KIF26B: variants seen among roughly 807,000 people sequenced by gnomAD.
KIF26B encodes the protein kinesin-like protein KIF26B.
Under a neutral mutation model 151.2 loss-of-function variants are expected in KIF26B, and 63 were observed. The ratio of observed to expected loss-of-function variants is 0.42; its 90% CI spans 0.34 to 0.51. The LOEUF is 0.51. Among genes scored for constraint, KIF26B ranks in the 20% least tolerant of loss-of-function variants. KIF26B has a pLI of 0.07. For synonymous variants in KIF26B, 1,357 were observed against 1,262.1 expected (o/e 1.08, Z -1.59); for missense variants, 2,813 against 2,913.6 (o/e 0.97, Z 0.79).
intron 2 of KIF26B, among the ~76,000 whole-genome samples, chr1:245,316,277 A>G (rs746250439): frequency 6.6e-6 from 1 of 151,994 alleles, no homozygotes; most frequent in Non-Finnish European, 1.5e-5. Flanking sequence ...ACCCGCCACC[A>G]TGCCTGGCTA....
chr1:245,216,889 C>T (rs556309841), intron 2 of KIF26B, among the ~76,000 whole-genome samples: 1 of 152,176 alleles, frequency 6.6e-6, no homozygotes, highest in African/African-American at 2.4e-5. Context: ...AATATAAAAT[C>T]GTTTCACTTT....
intron 3 of KIF26B, among the ~76,000 whole-genome samples, chr1:245,373,612 A>T (rs1050327243): frequency 6.6e-6 from 1 of 152,052 alleles, no homozygotes; most frequent in Non-Finnish European, 1.5e-5. Context: ...TCTTGATACA[A>T]TTTTTCCTGC....
In KIF26B at chr1:245,702,734, A is replaced by G; in HGVS notation, c.*128A>G. ...GGATGAAGGTTGGTGGCAAGTCTGG[A>G]GCGGGCGTTGAGCGGAAGGCGAGTT... On this transcript the variant is annotated 3_prime_UTR_variant, in exon 15 of 15. Transcript: ENST00000407071. The surrounding 1 kb of genome is among the most constrained non-coding windows in gnomAD (Gnocchi z 4.1). The G allele has an allele frequency of 9.2e-7, 1 of 1,091,896 alleles. No individual in the cohort carries two copies. Among genetic ancestry groups the G allele is most frequent in the Non-Finnish European group, 1.3e-6 (1 of 780,668 alleles). The allele number at this position is 1,091,896 out of a possible 1,614,324, so 67.6% of individuals were successfully genotyped here.
chr1:245,440,298 TC>T (rs1659046494), intron 4 of KIF26B, among the ~76,000 whole-genome samples: 1 of 151,684 alleles, frequency 6.6e-6, no homozygotes, highest in Non-Finnish European at 1.5e-5. Flanking sequence ...GGGTAGAGAC[TC>T]CCATTTGAGA....
Position 245,685,967 on chromosome 1 carries a change from A to G in KIF26B, c.2984A>G (p.Glu995Gly). ...EGQLTNREGPELPASKMQRSH... is the reference protein window; with the variant it reads ...EGQLTNREGPGLPASKMQRSH... ...CAGCTGACCAACAGAGAAGGCCCTG[A>G]ACTCCCAGCCTCCAAGATGCAGAGG... The change falls in exon 12 of 15, where the codon GAA becomes GGA. Residue 995 changes from glutamate to glycine, a missense_variant. Physicochemically the swap from Glu to Gly is moderately conservative, Grantham distance 98. Transcript: ENST00000407071. The G allele has an allele frequency of 6.2e-7, 1 of 1,603,462 alleles. No homozygotes were observed. Among genetic ancestry groups the G allele is most frequent in the South Asian group, 1.1e-5 (1 of 89,394 alleles).
chr1:245,156,195 G>C, intron 1 of KIF26B, 87 bp from the exon 2 acceptor site: 3 of 1,482,572 alleles, frequency 2.0e-6, no homozygotes, highest in South Asian at 1.3e-5. Context: ...GTTCGAGCGG[G>C]TACTTGGTGG....
At position 245,704,317 on chromosome 1, in the gene KIF26B, G is replaced by GTTTC. The variant is rs2044813045; in HGVS notation, c.*1714_*1717dup. On this transcript the variant is annotated 3_prime_UTR_variant, in exon 15 of 15. Coordinates refer to ENST00000407071, the MANE Select transcript of KIF26B (RefSeq NM_018012.4). ...CCCCAAGCGGGGAAAAAAACACTACGTTTCTTGGTCAGTGTACCTCTGGAC... is the reference window on the plus strand; with the variant it reads ...CCCCAAGCGGGGAAAAAAACACTACGTTTCTTTCTTGGTCAGTGTACCTCTGGAC... 1 of 152,226 alleles carries GTTTC rather than the reference G, an allele frequency of 6.6e-6. No individual in the cohort carries two copies. Among genetic ancestry groups the GTTTC allele is most frequent in the Admixed American group, 6.5e-5 (1 of 15,290 alleles). 9.4% of individuals were successfully genotyped at this position (152,226 alleles called of 1,614,324 possible). A position where few individuals can be genotyped will look rare whatever the true frequency, so the allele number is the denominator to read the frequency against.
chr1:245,263,888 G>A (rs941792176), intron 2 of KIF26B, among the ~76,000 whole-genome samples: 1 of 152,188 alleles, frequency 6.6e-6, no homozygotes, highest in Admixed American at 6.5e-5. Flanking sequence ...TCATCTTGTG[G>A]TCCGTTCTGT....
At chr1:245,186,157 G>A (rs1159170698) in intron 2 of KIF26B, among the ~76,000 whole-genome samples, 1 of 152,002 alleles carries the variant, frequency 6.6e-6, no homozygotes, top group African/African-American at 2.4e-5. Context: ...ACAGGCGTGG[G>A]CCACTGCGCC....
chr1:245,683,585 AG>A (rs2044467636), intron 10 of KIF26B, among the ~76,000 whole-genome samples: 1 of 152,148 alleles, frequency 6.6e-6, no homozygotes, highest in Non-Finnish European at 1.5e-5. Context: ...GCCTCTCTAT[AG>A]GAAGTGCTGC....
intron 12 of KIF26B, among the ~76,000 whole-genome samples, chr1:245,690,219 T>G (rs1016004097): frequency 1.3e-5 from 2 of 152,186 alleles, no homozygotes; most frequent in African/African-American, 4.8e-5. Flanking sequence ...GAACCCCACG[T>G]GCAATTCTGT....
chr1:245,481,863 T>A (rs375344414), intron 4 of KIF26B, among the ~76,000 whole-genome samples: 1 of 151,782 alleles, frequency 6.6e-6, no homozygotes, highest in African/African-American at 2.4e-5. Context: ...AGTCCTTGGT[T>A]GGACCTGACA....
chr1:245,471,982 G>A (rs1659925468), intron 4 of KIF26B, among the ~76,000 whole-genome samples: 1 of 152,088 alleles, frequency 6.6e-6, no homozygotes, highest in African/African-American at 2.4e-5. Flanking sequence ...AGTAGAGATG[G>A]GGTTTCACCA....
At chr1:245,181,909 C>T (rs1668915315) in intron 2 of KIF26B, among the ~76,000 whole-genome samples, 1 of 152,088 alleles carries the variant, frequency 6.6e-6, no homozygotes, top group African/African-American at 2.4e-5. Context: ...AGTTTGGGTG[C>T]AGGCCTAACT....
chr1:245,438,912 C>G (rs1325223020), intron 4 of KIF26B, among the ~76,000 whole-genome samples: 1 of 152,020 alleles, frequency 6.6e-6, no homozygotes, highest in Non-Finnish European at 1.5e-5. Flanking sequence ...AGGGAGGAAC[C>G]GATTACAAAG....
chr1:245,412,258 T>A (rs1369895479), intron 3 of KIF26B, among the ~76,000 whole-genome samples: 1 of 152,170 alleles, frequency 6.6e-6, no homozygotes, highest in Non-Finnish European at 1.5e-5. Flanking sequence ...CAGATAGCAA[T>A]AAAAGATGTC....
At position 245,686,888 on chromosome 1, in the gene KIF26B, C is replaced by T. The variant is rs199742874; in HGVS notation, c.3905C>T (p.Thr1302Met). The T allele has an allele frequency of 3.3e-4, 527 of 1,613,552 alleles. 1 individual carries two copies. Among genetic ancestry groups the T allele is most frequent in the South Asian group, 4.1e-4 (37 of 91,018 alleles). ...EQSCHSFIAQ[T>M]CFGHGEAMAE... ...TCGTGCCACAGTTTCATAGCCCAGACGTGTTTTGGGCACGGGGAGGCAATG... is the reference window on the plus strand; with the variant it reads ...TCGTGCCACAGTTTCATAGCCCAGATGTGTTTTGGGCACGGGGAGGCAATG... Residue 1302 changes from threonine (T) to methionine (M), a missense_variant, in exon 12 of 15, where the codon ACG (threonine) becomes ATG (methionine). By Grantham distance (81) the Thr-to-Met change is moderately conservative. Around this residue, in one of 3 missense-constraint regions of KIF26B, gnomAD observed 2,060 missense variants for 2,088.6 expected, o/e 0.99. Coordinates refer to ENST00000407071, the MANE Select transcript of KIF26B (RefSeq NM_018012.4). This position sits in a 1 kb window ranked among gnomAD's most constrained non-coding sequence, Gnocchi z 5.6.
rs896965115 is a variant in KIF26B, at chr1:245,341,304, T to G, written c.466-25530T>G. 7.0e-3 allele frequency among the ~76,000 whole-genome samples: 7 copies of G among 1,000 alleles called. 1 individual carries two copies. In the South Asian group the frequency reaches 0.074, roughly 11 times the overall value. The allele number at this position is 1,000 out of a possible 152,430, so 0.7% of individuals were successfully genotyped here. A position where few individuals can be genotyped will look rare whatever the true frequency, so the allele number is the denominator to read the frequency against. On this transcript the variant is annotated intron_variant, in intron 2 of 14. Transcript: ENST00000407071. ...AAGCCAAGGGCTTAAAAAGATGCAG[T>G]TTTTTTTTTTTTTTTTTTTTTTTTT...
At chr1:245,210,336 C>G (rs1558346297) in intron 2 of KIF26B, among the ~76,000 whole-genome samples, 1 of 152,200 alleles carries the variant, frequency 6.6e-6, no homozygotes, top group Non-Finnish European at 1.5e-5. Flanking sequence ...GACCACCCCG[C>G]ACAGGCCCAC....
Sources: allele counts gnomAD v4.1 joint callset (sites outside exome capture counted in the v4.1 genomes callset), GRCh38; gene constraint gnomAD v4.1.1; regional missense constraint gnomAD v4.1.1; non-coding constraint Gnocchi (gnomAD v3.1); transcripts MANE v1.5; gene names NCBI Gene and HGNC (gene_info 2026-07-23, HGNC 2026-07-21).